Variants in LIPC observed in about 807,000 individuals in gnomAD.
The protein encoded by LIPC is lipase C, hepatic type.
In LIPC, 44 loss-of-function variants were observed where a neutral mutation model predicts 50.7. The observed-to-expected ratio is 0.87, with a 90% confidence interval of 0.68 to 1.11. The LOEUF (loss-of-function observed/expected upper bound fraction) is 1.11. LIPC is among the 50% of genes most tolerant of loss of function. LIPC has a pLI of 0.00. For synonymous variants in LIPC, 271 were observed against 256.4 expected, an observed-to-expected ratio of 1.06 and a Z score of -0.54; for missense variants, 697 against 648.2, an observed-to-expected ratio of 1.08 and a Z score of -0.82.
At chr15:58,526,012 A>G (rs1369034243) in intron 1 of LIPC, among the ~76,000 whole-genome samples, 3 of 152,176 alleles carry the variant, frequency 2.0e-5, no homozygotes, top group Non-Finnish European at 2.9e-5. Context: ...ACGTGCCCAG[A>G]ATTGTGGCTC....
At chr15:58,456,889 G>A (rs532439250) in intron 1 of LIPC, among the ~76,000 whole-genome samples, 7 of 152,202 alleles carry the variant, frequency 4.6e-5, no homozygotes, top group African/African-American at 1.7e-4. Context: ...AGTTATTCTA[G>A]AGAACATCTC....
At chr15:58,473,261 G>T (rs1169074548) in intron 1 of LIPC, among the ~76,000 whole-genome samples, 5 of 152,256 alleles carry the variant, frequency 3.3e-5, no homozygotes, top group African/African-American at 1.2e-4. Flanking sequence ...AGAAGTCAGA[G>T]ATCTGCCAGG....
intron 6 of LIPC, among the ~76,000 whole-genome samples, chr15:58,550,411 T>A (rs1195686887): frequency 6.6e-6 from 1 of 152,192 alleles, no homozygotes; most frequent in Admixed American, 6.5e-5. Flanking sequence ...GCAGTAGGCA[T>A]GAACCAGGCT....
intron 1 of LIPC, among the ~76,000 whole-genome samples, chr15:58,446,749 T>C (rs1415346633): frequency 6.6e-6 from 1 of 152,112 alleles, no homozygotes; most frequent in East Asian, 1.9e-4. Context: ...TACTGTTGTT[T>C]CCCCAGGACC....
chr15:58,511,309 G>A (rs7180936), intron 1 of LIPC, among the ~76,000 whole-genome samples: 116,098 of 151,984 alleles, frequency 0.76, 44,480 homozygotes, highest in African/African-American at 0.82. Context: ...GCCTGGGGAG[G>A]GAGTGTGGTG....
At chr15:58,547,358 G>A (rs534777002) in intron 5 of LIPC, among the ~76,000 whole-genome samples, 230 of 152,318 alleles carry the variant, frequency 1.5e-3, no homozygotes, top group African/African-American at 5.2e-3. Flanking sequence ...GAAAACAGCG[G>A]CCTCAAGGAG....
chr15:58,558,567 G>A (rs1168950253), intron 6 of LIPC, among the ~76,000 whole-genome samples: 2 of 152,204 alleles, frequency 1.3e-5, no homozygotes, highest in Admixed American at 1.3e-4. Context: ...AACCGCCTGA[G>A]CTCCACCTGT....
intron 2 of LIPC, among the ~76,000 whole-genome samples, chr15:58,540,863 T>G (rs542264187): frequency 1.3e-5 from 2 of 152,118 alleles, no homozygotes; most frequent in Non-Finnish European, 2.9e-5. Context: ...GAGGGCAGTG[T>G]GATCTCAGCT....
intron 3 of LIPC, among the ~76,000 whole-genome samples, 175 bp downstream of exon 3, chr15:58,542,142 C>T (rs1893352647): frequency 6.6e-6 from 1 of 152,198 alleles, no homozygotes; most frequent in East Asian, 1.9e-4. Context: ...TCTCAGACGC[C>T]TCCCTTGAAC....
rs149147248 is a variant in LIPC, at chr15:58,510,790, A to T, written c.89-27543A>T. On this transcript the variant is annotated intron_variant, in intron 1 of 8. Transcript: ENST00000299022. Reference sequence around the variant, plus strand: ...ATGCTATTTGTGTATACTGGATTCAATGAAATACTATAATAAACAAGTAAG... The same window carrying T: ...ATGCTATTTGTGTATACTGGATTCATTGAAATACTATAATAAACAAGTAAG... 3.1e-3 allele frequency among the ~76,000 whole-genome samples: 474 copies of T among 152,376 alleles called. 3 individuals carry two copies. Among genetic ancestry groups the T allele is most frequent in the African/African-American group, 0.011 (455 of 41,584 alleles).
chr15:58,515,969 G>A (rs919486351), intron 1 of LIPC, among the ~76,000 whole-genome samples: 7 of 152,076 alleles, frequency 4.6e-5, no homozygotes, highest in Admixed American at 2.0e-4. Flanking sequence ...TCATAAGCGC[G>A]AACACGGGGC....
At chr15:58,453,158 T>C (rs1893974214) in intron 1 of LIPC, among the ~76,000 whole-genome samples, 1 of 151,960 alleles carries the variant, frequency 6.6e-6, no homozygotes, top group Non-Finnish European at 1.5e-5. Context: ...TAGTATTTCT[T>C]CTCCCCGCTT....
intron 1 of LIPC, among the ~76,000 whole-genome samples, chr15:58,528,332 C>T (rs1260958407): frequency 6.6e-6 from 1 of 152,046 alleles, no homozygotes; most frequent in Non-Finnish European, 1.5e-5. Context: ...TTAAATCCGG[C>T]CTAAAAACAC....
At chr15:58,564,001 A>G in intron 8 of LIPC, 2 of 460,848 alleles carry the variant, frequency 4.3e-6, no homozygotes, top group Non-Finnish European at 8.1e-6. Context: ...CCATCACACG[A>G]ACCCCAGGCT....
At chr15:58,484,442 C>A (rs1891295593) in intron 1 of LIPC, among the ~76,000 whole-genome samples, 2 of 152,232 alleles carry the variant, frequency 1.3e-5, no homozygotes, top group African/African-American at 4.8e-5. Flanking sequence ...TGCTCAGAGA[C>A]AACTCTTTTT....
intron 2 of LIPC, among the ~76,000 whole-genome samples, chr15:58,540,491 C>T (rs531145390): frequency 5.9e-5 from 9 of 152,310 alleles, no homozygotes; most frequent in Admixed American, 5.9e-4. Context: ...CAGCTAGAAA[C>T]TAGGAGAGCC....
chr15:58,437,940 G>A (rs1893364081), intron 1 of LIPC, among the ~76,000 whole-genome samples: 2 of 152,170 alleles, frequency 1.3e-5, no homozygotes, highest in Admixed American at 1.3e-4. Context: ...CCACCCTGGA[G>A]AGACGGGGGA....
At position 58,569,041 on chromosome 15, in the gene LIPC, A is replaced by G. The variant is rs1894478217; in HGVS notation, c.*214A>G. 1 of 399,868 alleles carries G rather than the reference A, an allele frequency of 2.5e-6. No homozygotes were observed. The highest frequency in any genetic ancestry group is 2.0e-5 in the African/African-American group (1 of 49,320). 24.8% of individuals were successfully genotyped at this position (399,868 alleles called of 1,614,324 possible). A position where few individuals can be genotyped will look rare whatever the true frequency, so the allele number is the denominator to read the frequency against. Reference sequence around the variant, plus strand: ...GTATCAGTACAACCAAAAATGTCCCAATTTTATCTCTGGTTAAATGTTAAT... The same window carrying G: ...GTATCAGTACAACCAAAAATGTCCCGATTTTATCTCTGGTTAAATGTTAAT... On this transcript the variant is annotated 3_prime_UTR_variant, in exon 9 of 9. Coordinates refer to ENST00000299022, the MANE Select transcript of LIPC (RefSeq NM_000236.3).
intron 1 of LIPC, among the ~76,000 whole-genome samples, chr15:58,475,299 G>A (rs1356984169): frequency 6.6e-6 from 1 of 152,142 alleles, no homozygotes; most frequent in Non-Finnish European, 1.5e-5. Context: ...ATCCTTCTAA[G>A]AGGCAAAGGT....
Sources: allele counts gnomAD v4.1 joint callset (sites outside exome capture counted in the v4.1 genomes callset), GRCh38; gene constraint gnomAD v4.1.1; transcripts MANE v1.5; gene names NCBI Gene and HGNC (gene_info 2026-07-23, HGNC 2026-07-21).